The following UMODL1 variants were observed in gnomAD, a reference collection of about 807,000 sequenced individuals.
The protein encoded by UMODL1 is uromodulin-like 1.
A neutral mutation model predicts 136.3 loss-of-function variants in UMODL1; 128 were observed. The ratio of observed to expected loss-of-function variants is 0.94; its 90% CI spans 0.81 to 1.09. The LOEUF (loss-of-function observed/expected upper bound fraction) is 1.09, where lower values mean the gene tolerates loss of function less well. Among genes scored for constraint, UMODL1 ranks in the 50% least tolerant of loss-of-function variants. UMODL1 has a pLI of 0.00. For missense variants in UMODL1, 1,766 were observed against 1,725.6 expected (o/e 1.02, Z -0.41); for synonymous variants, 721 against 720.0 (o/e 1.00, Z -0.02).
upstream of UMODL1, among the ~76,000 whole-genome samples, chr21:42,069,927 A>G (rs1345902311): frequency 6.6e-6 from 1 of 152,278 alleles, no homozygotes; most frequent in Non-Finnish European, 1.5e-5. Flanking sequence ...ACGTTTTTTA[A>G]TGAGCCAATT....
chr21:42,125,615 C>G (rs988486627), intron 17 of UMODL1, among the ~76,000 whole-genome samples: 17 of 152,300 alleles, frequency 1.1e-4, no homozygotes, highest in African/African-American at 4.1e-4. Flanking sequence ...ACCTGGAGGC[C>G]GAGCGTTGGC....
At chr21:42,111,342 G>C (rs753873823) in intron 11 of UMODL1, 164 bp from the exon 12 acceptor site, 1 of 1,605,958 alleles carries the variant, frequency 6.2e-7, no homozygotes, top group East Asian at 2.2e-5. Flanking sequence ...AGCCAGGGGA[G>C]CCCCAGCCAG....
At chr21:42,110,597 A>C (rs371030058) in intron 10 of UMODL1, among the ~76,000 whole-genome samples, 1 of 152,216 alleles carries the variant, frequency 6.6e-6, no homozygotes. Context: ...CAAGCCCTGC[A>C]TTCAAGCCCG....
At chr21:42,105,277 G>A (rs60702416) in intron 9 of UMODL1, among the ~76,000 whole-genome samples, 6,074 of 152,250 alleles carry the variant, frequency 0.04, 389 homozygotes, top group African/African-American at 0.14. Flanking sequence ...CCCCCAGCAG[G>A]GTCCTCAGTG....
At chr21:42,075,983 C>A in intron 1 of UMODL1, 22 bp from the exon 2 acceptor site, 2 of 1,611,092 alleles carry the variant, frequency 1.2e-6, no homozygotes, top group South Asian at 2.2e-5. Flanking sequence ...TCTCAGTCGC[C>A]TTCTTGCTTG....
intron 22 of UMODL1, among the ~76,000 whole-genome samples, chr21:42,138,150 G>A (rs183199493): frequency 2.1e-3 from 327 of 152,274 alleles, no homozygotes; most frequent in African/African-American, 7.4e-3. Context: ...GAGCCTCTTG[G>A]TGCCTCGGTT....
intron 2 of UMODL1, among the ~76,000 whole-genome samples, chr21:42,079,664 G>A (rs2066337146): frequency 6.6e-6 from 1 of 152,214 alleles, no homozygotes; most frequent in Non-Finnish European, 1.5e-5. Context: ...AAGAGGCCAG[G>A]GCAGGAGACC....
intron 5 of UMODL1, among the ~76,000 whole-genome samples, chr21:42,089,001 A>G (rs1016021904): frequency 6.6e-6 from 1 of 152,190 alleles, no homozygotes; most frequent in Non-Finnish European, 1.5e-5. Flanking sequence ...TTGTTTCTGG[A>G]AGAAATTACC....
chr21:42,090,396 G>A lies in UMODL1; in HGVS notation c.889G>A (p.Ala297Thr), dbSNP rs1435684798. Residue 297 changes from alanine (A) to threonine (T), a missense_variant, in exon 6 of 23, where the codon GCT (alanine) becomes ACT (threonine). By Grantham distance (58) the Ala-to-Thr change is moderately conservative. Transcript: ENST00000408910. ...GTACTGGTGCGTCTGTCACCAGGAA[G>A]CTCCAGCCACGTCTCCACGGAAGCT... ...GSYWCVCHQE[A>T]PATSPRKLNL... 1 of 1,614,074 alleles carries A rather than the reference G, an allele frequency of 6.2e-7. No individual in the cohort carries two copies. Among genetic ancestry groups the A allele is most frequent in the Non-Finnish European group, 8.5e-7 (1 of 1,179,950 alleles).
intron 1 of UMODL1, among the ~76,000 whole-genome samples, chr21:42,074,912 T>A (rs1201832208): frequency 6.6e-6 from 1 of 151,752 alleles, no homozygotes; most frequent in Non-Finnish European, 1.5e-5. Flanking sequence ...ATTTTTGTTT[T>A]TTTTTTCAGA....
chr21:42,090,208 G>A (rs915003011), intron 5 of UMODL1, 90 bp from the exon 6 acceptor site: 5 of 1,555,638 alleles, frequency 3.2e-6, no homozygotes, highest in Non-Finnish European at 4.4e-6. Context: ...TCCGTGGCAC[G>A]AGTCCACAGA....
At chr21:42,126,956 G>A (rs371382083) in intron 18 of UMODL1, 50 bp from the exon 19 acceptor site, 20 of 1,470,776 alleles carry the variant, frequency 1.4e-5, no homozygotes, top group Non-Finnish European at 1.9e-5. Context: ...GAGGGGCCAC[G>A]ATAATGCGCC....
intron 1 of UMODL1, among the ~76,000 whole-genome samples, chr21:42,065,031 C>T (rs898680135): frequency 1.3e-5 from 2 of 152,218 alleles, no homozygotes; most frequent in Non-Finnish European, 2.9e-5. Flanking sequence ...TACACCTTCT[C>T]TCTTTTCCTC....
At position 42,076,018 on chromosome 21, in the gene UMODL1, C is replaced by T; in HGVS notation, c.90C>T (p.Ser30=). 6.2e-7 allele frequency: 1 copy of T among 1,613,922 alleles called. No individual in the cohort carries two copies. Reference sequence around the variant, plus strand: ...GGCCTCTTTCAGAAAAAGGCCTCTCCCTGTTGGGCTACCAGCTATGCAGCC... The same window carrying T: ...GGCCTCTTTCAGAAAAAGGCCTCTCTCTGTTGGGCTACCAGCTATGCAGCC... ...QASGFTEKGL[S]LLGYQLCSHR... Residue 30 remains serine, a synonymous_variant, in exon 2 of 23, where the codon TCC becomes TCT. Coordinates refer to ENST00000408910, the MANE Select transcript of UMODL1 (RefSeq NM_001004416.3).
chr21:42,089,624 T>C (rs117802445), intron 5 of UMODL1, among the ~76,000 whole-genome samples: 2,074 of 152,344 alleles, frequency 0.014, 27 homozygotes, highest in South Asian at 0.031. Context: ...GAAGTGTGAT[T>C]TTGTTCTGAA....
chr21:42,075,491 G>C (rs1226646037), intron 1 of UMODL1, among the ~76,000 whole-genome samples: 1 of 152,194 alleles, frequency 6.6e-6, no homozygotes, highest in Admixed American at 6.5e-5. Flanking sequence ...TCATGTCCTG[G>C]CCACAGCAGG....
chr21:42,119,059 A>G lies in UMODL1; in HGVS notation c.2476-52A>G. ...CAGGAGGAACCGCCTTGAGACGGGC[A>G]TCTGTTTCCTCTCAGCGTGGGGACC... On this transcript the variant is annotated intron_variant, in intron 14 of 22. Transcript: ENST00000408910. 4 of 1,573,992 alleles carry G rather than the reference A, an allele frequency of 2.5e-6. No homozygotes were observed. In the South Asian group the frequency reaches 3.4e-5, roughly 13 times the overall value.
chr21:42,126,571 C>A (rs1441746552), intron 18 of UMODL1, 81 bp downstream of exon 18: 14 of 1,591,338 alleles, frequency 8.8e-6, no homozygotes, highest in Non-Finnish European at 1.2e-5. Context: ...AGGGTGTCAA[C>A]CACTTAAGGA....
chr21:42,116,760 A>G (rs369704372), intron 14 of UMODL1, among the ~76,000 whole-genome samples: 2 of 152,158 alleles, frequency 1.3e-5, no homozygotes, highest in East Asian at 1.9e-4. Context: ...TCATCACCCA[A>G]AAAGAAACCT....
Sources: allele counts gnomAD v4.1 joint callset (sites outside exome capture counted in the v4.1 genomes callset), GRCh38; gene constraint gnomAD v4.1.1; transcripts MANE v1.5; gene names NCBI Gene and HGNC (gene_info 2026-07-23, HGNC 2026-07-21).